The following DNAH5 variants were observed in gnomAD, a reference collection of about 807,000 sequenced individuals.
The protein encoded by DNAH5 is dynein axonemal heavy chain 5, also known as axonemal beta dynein heavy chain 5.
In DNAH5, 372 loss-of-function variants were observed where a neutral mutation model predicts 518.2. The observed-to-expected ratio is 0.72, with a 90% confidence interval of 0.66 to 0.78. The LOEUF (loss-of-function observed/expected upper bound fraction) is 0.78, where lower values mean the gene tolerates loss of function less well. Among genes scored for constraint, DNAH5 ranks in the 30% least tolerant of loss-of-function variants. The pLI, the probability that DNAH5 is intolerant of heterozygous loss-of-function variation, is 0.00. For synonymous variants in DNAH5, 2,039 were observed against 2,025.9 expected (o/e 1.01, Z -0.17); for missense variants, 5,523 against 5,687.0 (o/e 0.97, Z 0.93).
At chr5:13,699,958 T>C (rs1423890159) in intron 78 of DNAH5, among the ~76,000 whole-genome samples, 1 of 152,202 alleles carries the variant, frequency 6.6e-6, no homozygotes, top group Admixed American at 6.5e-5. Context: ...ATCAATCCAA[T>C]AACGGAAAAT....
At chr5:13,954,542 G>T (rs963927525) in intron 1 of DNAH5, among the ~76,000 whole-genome samples, 44 of 152,326 alleles carry the variant, frequency 2.9e-4, no homozygotes, top group Admixed American at 5.2e-4. Flanking sequence ...AATAAAGTCT[G>T]CAAGCTCTTC....
chr5:13,919,122 T>C (rs1459880528), intron 7 of DNAH5, 54 bp downstream of exon 7: 1 of 1,601,198 alleles, frequency 6.2e-7, no homozygotes, highest in African/African-American at 1.3e-5. Flanking sequence ...CTTGAAAATA[T>C]GCATAGAGAA....
intron 12 of DNAH5, among the ~76,000 whole-genome samples, chr5:13,910,427 G>A (rs1021391008): frequency 1.3e-5 from 2 of 152,170 alleles, no homozygotes; most frequent in African/African-American, 2.4e-5. Flanking sequence ...GCTTTGTTAT[G>A]ACTCATTCTA....
At chr5:13,865,956 A>G in intron 26 of DNAH5, 50 bp from the exon 27 acceptor site, 1 of 1,259,062 alleles carries the variant, frequency 7.9e-7, no homozygotes, top group Non-Finnish European at 1.2e-6. Context: ...TACATGATCA[A>G]CATACAAATG....
chr5:13,999,942 A>G (rs775159277), intron 1 of DNAH5, among the ~76,000 whole-genome samples: 3 of 152,236 alleles, frequency 2.0e-5, no homozygotes, highest in Non-Finnish European at 4.4e-5. Flanking sequence ...ACATTAAAAA[A>G]CAATTTATCA....
chr5:13,784,271 T>G (rs561023552), intron 52 of DNAH5, among the ~76,000 whole-genome samples: 5 of 152,360 alleles, frequency 3.3e-5, no homozygotes, highest in Admixed American at 6.5e-5. Context: ...CCTTTCCTTT[T>G]TCTTCCTTTT....
chr5:13,956,017 C>T (rs1235759713), intron 1 of DNAH5, among the ~76,000 whole-genome samples: 5 of 152,128 alleles, frequency 3.3e-5, no homozygotes, highest in Non-Finnish European at 4.4e-5. Context: ...AAACCACCAC[C>T]GCTGTCCACG....
chr5:13,838,010 T>G (rs987365658), intron 35 of DNAH5, among the ~76,000 whole-genome samples: 1 of 152,164 alleles, frequency 6.6e-6, no homozygotes, highest in East Asian at 1.9e-4. Context: ...AGTCCATTTT[T>G]TTAATGAACA....
Position 13,742,832 on chromosome 5 carries a change from T to G in DNAH5, c.11212-5337A>C, listed in dbSNP as rs181346303. On this transcript the variant is annotated intron_variant, in intron 65 of 78. Transcript: ENST00000265104. ...GTATAATTGAAAATACTATTTGGAATCCCAAAAGCAATCTGTATATTAAAT... is the reference window on the plus strand; with the variant it reads ...GTATAATTGAAAATACTATTTGGAAGCCCAAAAGCAATCTGTATATTAAAT... 2.3e-4 allele frequency among the ~76,000 whole-genome samples: 35 copies of G among 152,046 alleles called. No individual in the cohort carries two copies. The East Asian group carries it at 5.8e-3, about 25-fold the overall frequency.
At chr5:13,715,206 T>C (rs911522498) in intron 74 of DNAH5, among the ~76,000 whole-genome samples, 1 of 152,138 alleles carries the variant, frequency 6.6e-6, no homozygotes, top group Non-Finnish European at 1.5e-5. Context: ...CCCCAACGGT[T>C]TGAAAAAAAA....
chr5:13,869,255 G>A (rs567981578), intron 24 of DNAH5, among the ~76,000 whole-genome samples: 2 of 152,062 alleles, frequency 1.3e-5, no homozygotes, highest in Admixed American at 6.6e-5. Context: ...GTCTGATCTC[G>A]ACCATCAGAG....
At chr5:13,975,379 A>G (rs1782170354) in intron 1 of DNAH5, among the ~76,000 whole-genome samples, 1 of 152,154 alleles carries the variant, frequency 6.6e-6, no homozygotes, top group Admixed American at 6.5e-5. Flanking sequence ...ACAATTCAAG[A>G]TGAGATTTGC....
At chr5:13,907,785 T>G (rs1775512533) in intron 12 of DNAH5, among the ~76,000 whole-genome samples, 2 of 152,160 alleles carry the variant, frequency 1.3e-5, no homozygotes, top group South Asian at 4.1e-4. Flanking sequence ...CATAGAAAAA[T>G]TATTTCCTTA....
In DNAH5 at chr5:13,810,220, A is replaced by AGCCGCCCCAGGTGAGCCTGGCTC; in HGVS notation, c.7425_7447dup (p.Leu2483ArgfsTer96). On this transcript the variant is annotated frameshift_variant, in exon 45 of 79. Coordinates refer to ENST00000265104, the MANE Select transcript of DNAH5 (RefSeq NM_001369.3). LOFTEE classifies it high-confidence loss of function. ...GCTCCACAGCAGCGCGAACACGAAC[A>AGCCGCCCCAGGTGAGCCTGGCTC]GCCGCCCCAGGTGAGCCTGGCTCAC... is the stretch of plus-strand genomic sequence containing the variant. The AGCCGCCCCAGGTGAGCCTGGCTC allele has an allele frequency of 6.4e-7, 1 of 1,550,608 alleles. No homozygotes were observed. Among genetic ancestry groups the AGCCGCCCCAGGTGAGCCTGGCTC allele is most frequent in the Non-Finnish European group, 8.7e-7 (1 of 1,146,938 alleles).
At chr5:13,719,678 G>T (rs1744777893) in intron 71 of DNAH5, among the ~76,000 whole-genome samples, 1 of 152,126 alleles carries the variant, frequency 6.6e-6, no homozygotes, top group Non-Finnish European at 1.5e-5. Context: ...TAGATTGGAG[G>T]ATACCAGCAC....
chr5:13,741,491 T>C (rs879883934), intron 65 of DNAH5, among the ~76,000 whole-genome samples: 2 of 152,206 alleles, frequency 1.3e-5, no homozygotes, highest in Non-Finnish European at 2.9e-5. Flanking sequence ...TTTCAATTCA[T>C]TGATTCACTA....
rs773711154 is a variant in DNAH5 at position 13,830,675 on chromosome 5, G to A, written c.5983C>T (p.Arg1995Ter). ...GKTETTKDMG[R>*]CLGKYVVVFN... ...ACCACGACGTATTTCCCGAGGCATC[G>A]TCCCATGTCTTTAGTGGTTTCTGTT... The change falls in exon 36 of 79, where the codon CGA becomes TGA. Residue 1995 changes from arginine (R) to a stop codon, truncating the protein, a stop_gained. Transcript: ENST00000265104. LOFTEE classifies it high-confidence loss of function. The A allele has an allele frequency of 2.8e-5, 45 of 1,614,022 alleles. No homozygotes were observed. The highest frequency in any genetic ancestry group is 3.8e-5 in the Non-Finnish European group (45 of 1,180,024).
At chr5:13,727,799 A>G (rs1353129231) in intron 69 of DNAH5, 143 bp from the exon 70 acceptor site, 1 of 969,952 alleles carries the variant, frequency 1.0e-6, no homozygotes, top group African/African-American at 1.7e-5. Flanking sequence ...TTTATATTAT[A>G]GAAAGTTTGA....
In DNAH5 at chr5:13,753,216, A is replaced by G. The variant is rs897880425; in HGVS notation, c.10872+17T>C. 1.9e-6 allele frequency: 3 copies of G among 1,600,836 alleles called. No homozygotes were observed. Among genetic ancestry groups the G allele is most frequent in the African/African-American group, 2.7e-5 (2 of 74,658 alleles). On this transcript the variant is annotated intron_variant, in intron 63 of 78. Transcript: ENST00000265104. ...AAAACTTAACCGGTAGCATAAACAT[A>G]CTAAAACACAAATTACCTGGAGTTC...
Sources: allele counts gnomAD v4.1 joint callset (sites outside exome capture counted in the v4.1 genomes callset), GRCh38; gene constraint gnomAD v4.1.1; transcripts MANE v1.5; gene names NCBI Gene and HGNC (gene_info 2026-07-23, HGNC 2026-07-21).